The following MCCC2 variants were observed in gnomAD, a reference collection of about 807,000 sequenced individuals.
The protein encoded by MCCC2 is methylcrotonoyl-CoA carboxylase beta chain, mitochondrial.
A neutral mutation model predicts 77.2 loss-of-function variants in MCCC2; 52 were observed. The ratio of observed to expected loss-of-function variants is 0.67; its 90% CI spans 0.54 to 0.85. MCCC2 has a LOEUF of 0.85. MCCC2 is among the 40% of genes least tolerant of loss of function. The pLI is 0.00. For synonymous variants in MCCC2, 253 were observed against 248.4 expected (o/e 1.02, Z -0.18); for missense variants, 682 against 703.2 (o/e 0.97, Z 0.34).
intron 16 of MCCC2, among the ~76,000 whole-genome samples, chr5:71,655,220 C>G (rs558339028): frequency 6.6e-6 from 1 of 152,152 alleles, no homozygotes; most frequent in Non-Finnish European, 1.5e-5. Flanking sequence ...GATTTCCAAG[C>G]CAGTTTATGG....
intron 2 of MCCC2, among the ~76,000 whole-genome samples, chr5:71,593,521 A>G (rs193243453): frequency 3.3e-5 from 5 of 151,700 alleles, no homozygotes; most frequent in African/African-American, 1.2e-4. Context: ...ATTCAAATTC[A>G]TAAATTTTAT....
At chr5:71,639,897 G>T (rs1249107526) in intron 10 of MCCC2, among the ~76,000 whole-genome samples, 1 of 152,192 alleles carries the variant, frequency 6.6e-6, no homozygotes, top group Admixed American at 6.5e-5. Flanking sequence ...ACTTGATGGT[G>T]AGAAAGATGT....
At chr5:71,587,647 C>G in intron 1 of MCCC2, 93 bp downstream of exon 1, 1 of 1,464,718 alleles carries the variant, frequency 6.8e-7, no homozygotes, top group Middle Eastern at 2.0e-4. Flanking sequence ...CTCTCTTGTC[C>G]GGAGCCCCAG....
rs1332096208 is a variant in MCCC2 at position 71,658,539 on chromosome 5, G to A, written c.*1679G>A. The A allele has an allele frequency of 2.0e-5, 3 of 152,070 alleles. No homozygotes were observed. The highest frequency in any genetic ancestry group is 7.2e-5 in the African/African-American group (3 of 41,426). The allele number at this position is 152,070 out of a possible 1,614,324, so 9.4% of individuals were successfully genotyped here. ...GAGCAAGGATCCTCCTGTTTACCCT[G>A]TACCTCCAATGTCTGGCACTTGTAG... On this transcript the variant is annotated 3_prime_UTR_variant, in exon 17 of 17. Transcript: ENST00000340941.
chr5:71,637,627 A>C (rs538915349), intron 10 of MCCC2, among the ~76,000 whole-genome samples: 25 of 152,344 alleles, frequency 1.6e-4, no homozygotes, highest in Non-Finnish European at 3.2e-4. Context: ...TTAAAAGAAG[A>C]CAACAATGAA....
intron 6 of MCCC2, among the ~76,000 whole-genome samples, chr5:71,612,668 T>C (rs1182976996): frequency 1.3e-5 from 2 of 152,248 alleles, no homozygotes; most frequent in Non-Finnish European, 2.9e-5. Context: ...GGTGTTACAA[T>C]TTTTATAGCT....
At chr5:71,589,545 G>T (rs573913712) in intron 1 of MCCC2, among the ~76,000 whole-genome samples, 3 of 152,304 alleles carry the variant, frequency 2.0e-5, no homozygotes, top group East Asian at 1.9e-4. Context: ...AACACAAATT[G>T]GATTTAAAAT....
intron 6 of MCCC2, among the ~76,000 whole-genome samples, chr5:71,608,158 C>T: frequency 1.7e-5 from 1 of 57,838 alleles, no homozygotes; most frequent in African/African-American, 6.3e-5. Context: ...GTTGATCTGT[C>T]TAATGTTGAC....
chr5:71,593,538 A>C (rs1336353014), intron 2 of MCCC2, among the ~76,000 whole-genome samples: 1 of 151,286 alleles, frequency 6.6e-6, no homozygotes, highest in Non-Finnish European at 1.5e-5. Flanking sequence ...TTATGAATAA[A>C]TAATTTATTT....
intron 5 of MCCC2, among the ~76,000 whole-genome samples, chr5:71,604,047 C>G (rs975018488): frequency 6.6e-6 from 1 of 152,220 alleles, no homozygotes. Context: ...AGGAAAGATA[C>G]TTTTCCACCT....
chr5:71,648,028 G>A (rs555951509), intron 13 of MCCC2, among the ~76,000 whole-genome samples: 11 of 152,300 alleles, frequency 7.2e-5, no homozygotes, highest in African/African-American at 2.6e-4. Flanking sequence ...TCAAGGCTGG[G>A]GAGATTGAGG....
chr5:71,620,322 T>C (rs896035520), intron 6 of MCCC2, among the ~76,000 whole-genome samples: 6 of 152,176 alleles, frequency 3.9e-5, no homozygotes, highest in African/African-American at 1.4e-4. Flanking sequence ...AAATGGGATG[T>C]GGGCAGTAAT....
At chr5:71,613,789 G>A (rs916582815) in intron 6 of MCCC2, among the ~76,000 whole-genome samples, 10 of 151,906 alleles carry the variant, frequency 6.6e-5, no homozygotes, top group Admixed American at 6.6e-4. Context: ...GGAAGGTGGA[G>A]TAAGTACTAG....
intron 6 of MCCC2, among the ~76,000 whole-genome samples, chr5:71,605,524 A>G (rs1042144156): frequency 6.6e-6 from 1 of 150,612 alleles, no homozygotes; most frequent in African/African-American, 2.4e-5. Flanking sequence ...CCCATTTTGT[A>G]GGTTGCCTGT....
chr5:71,587,345 C>T lies in MCCC2; in HGVS notation c.-81C>T. ...GGCTGCAAGGACCTGAGCTCAGCTT[C>T]CGCCCCAGCCAGGGAAGCGGCAGGG... On this transcript the variant is annotated 5_prime_UTR_variant, in exon 1 of 17. Coordinates refer to ENST00000340941, the MANE Select transcript of MCCC2 (RefSeq NM_022132.5). 1 of 1,506,826 alleles carries T rather than the reference C, an allele frequency of 6.6e-7. No individual in the cohort carries two copies. 93.3% of individuals were successfully genotyped at this position (1,506,826 alleles called of 1,614,324 possible).
chr5:71,627,337 AT>A (rs1185097976), intron 7 of MCCC2, among the ~76,000 whole-genome samples: 3 of 152,014 alleles, frequency 2.0e-5, no homozygotes, highest in Non-Finnish European at 2.9e-5. Context: ...TCCTGCTTTT[AT>A]TTTTTTGGGT....
intron 6 of MCCC2, among the ~76,000 whole-genome samples, chr5:71,607,144 AG>A (rs1745714632): frequency 6.6e-6 from 1 of 152,072 alleles, no homozygotes. Flanking sequence ...TAGTTTCAGA[AG>A]GAATGGTACC....
chr5:71,604,403 G>A lies in MCCC2; in HGVS notation c.559G>A (p.Asp187Asn). 1.2e-6 allele frequency: 2 copies of A among 1,614,146 alleles called. No homozygotes were observed. The highest frequency in any genetic ancestry group is 1.7e-6 in the Non-Finnish European group (2 of 1,180,044). The change falls in exon 6 of 17, where the codon GAT becomes AAT. Residue 187 changes from aspartate to asparagine, a missense_variant. Physicochemically the swap from Asp to Asn is conservative, Grantham distance 23. Coordinates refer to ENST00000340941, the MANE Select transcript of MCCC2 (RefSeq NM_022132.5). The stretch of plus-strand genomic sequence containing the variant: ...ACCTCGACAAGCAGATGTGTTTCCA[G>A]ATCGAGACCACTTTGGCCGTACATT... The part of the protein sequence containing the change: ...YLPRQADVFP[D>N]RDHFGRTFYN...
rs868199394 is a variant in MCCC2 at position 71,608,892 on chromosome 5, T to C, written c.624+4424T>C. The stretch of plus-strand genomic sequence containing the variant: ...TCTTTTCTTTAAGAATGTTGAATAT[T>C]GGCCCCTAGTCTCTTCTGGCTTGTA... On this transcript the variant is annotated intron_variant, in intron 6 of 16. Coordinates refer to ENST00000340941, the MANE Select transcript of MCCC2 (RefSeq NM_022132.5). Among the ~76,000 whole-genome samples the C allele has an allele frequency of 9.8e-5, 15 of 152,330 alleles. No individual in the cohort carries two copies. In the South Asian group the frequency reaches 3.1e-3, roughly 32 times the overall value.
Sources: gnomAD v4.1 joint callset for allele counts (sites outside exome capture counted in the v4.1 genomes callset) on GRCh38, gnomAD v4.1.1 for gene constraint, MANE v1.5 for transcripts, NCBI Gene and HGNC (gene_info 2026-07-23, HGNC 2026-07-21) for gene names.